Variants in C1orf21 observed in about 807,000 individuals in gnomAD.
C1orf21 encodes the protein uncharacterized protein C1orf21.
In C1orf21, 3 loss-of-function variants were observed where a neutral mutation model predicts 18.7. The ratio of observed to expected loss-of-function variants is 0.16; its 90% CI spans 0.07 to 0.42. The LOEUF is 0.42. Among genes scored for constraint, C1orf21 ranks in the 10% least tolerant of loss-of-function variants. The probability of loss-of-function intolerance (pLI) is 0.99; values close to 1 mark genes in which losing one functional copy is unlikely to be tolerated. For synonymous variants in C1orf21, 41 were observed against 46.4 expected (o/e 0.88, Z 0.47); for missense variants, 104 against 143.6 (o/e 0.72, Z 1.41).
chr1:184,574,146 C>T (rs1160231264), intron 3 of C1orf21, among the ~76,000 whole-genome samples: 1 of 151,982 alleles, frequency 6.6e-6, no homozygotes, highest in Non-Finnish European at 1.5e-5. Flanking sequence ...TGGAGATTGC[C>T]GTGAGCTGAG....
chr1:184,512,463 T>G (rs1658164259), intron 3 of C1orf21, among the ~76,000 whole-genome samples: 2 of 152,194 alleles, frequency 1.3e-5, no homozygotes, highest in Non-Finnish European at 2.9e-5. Flanking sequence ...CGTGCTGGTT[T>G]TCTGAGGCTG....
intron 3 of C1orf21, among the ~76,000 whole-genome samples, chr1:184,525,399 C>G (rs1431518264): frequency 6.6e-6 from 1 of 151,832 alleles, no homozygotes; most frequent in Admixed American, 6.6e-5. Flanking sequence ...CTTTGGTGAC[C>G]TCTTTCCTTT....
intron 1 of C1orf21, 29 bp from the exon 2 acceptor site, chr1:184,477,357 C>T: frequency 1.6e-6 from 1 of 613,164 alleles, no homozygotes; most frequent in Non-Finnish European, 2.9e-6. Context: ...AGTCACTGCC[C>T]ATTCTAATCT....
chr1:184,516,024 G>T (rs1658220221), intron 3 of C1orf21, among the ~76,000 whole-genome samples: 1 of 152,126 alleles, frequency 6.6e-6, no homozygotes, highest in South Asian at 2.1e-4. Flanking sequence ...TGATGGCCAG[G>T]CTGGTCTTGA....
intron 3 of C1orf21, among the ~76,000 whole-genome samples, chr1:184,559,818 A>G (rs1341465211): frequency 1.3e-5 from 2 of 152,020 alleles, no homozygotes; most frequent in African/African-American, 2.4e-5. Flanking sequence ...AGGCTTCACC[A>G]TGTTGCCCAG....
In C1orf21 at chr1:184,415,599, A is replaced by G. The variant is rs1571347520; in HGVS notation, c.-125+28231A>G. 3.3e-5 allele frequency among the ~76,000 whole-genome samples: 5 copies of G among 152,296 alleles called. No homozygotes were observed. The South Asian group carries it at 1.0e-3, about 32-fold the overall frequency. On this transcript the variant is annotated intron_variant, in intron 1 of 5. Transcript: ENST00000235307. Reference sequence around the variant, plus strand: ...TTAAATCAATTTAGTAGATTTTGAAAAGCATTAAAAAAATGAAACAGAAGA... The same window carrying G: ...TTAAATCAATTTAGTAGATTTTGAAGAGCATTAAAAAAATGAAACAGAAGA...
intron 1 of C1orf21, among the ~76,000 whole-genome samples, chr1:184,415,473 T>G (rs140399242): frequency 6.6e-6 from 1 of 152,294 alleles, no homozygotes; most frequent in East Asian, 1.9e-4. Flanking sequence ...TTATTTTGCG[T>G]GTTCTGTTCT....
chr1:184,395,242 C>T (rs533606776), intron 1 of C1orf21, among the ~76,000 whole-genome samples: 144 of 152,142 alleles, frequency 9.5e-4, no homozygotes, highest in African/African-American at 3.0e-3. Flanking sequence ...GCCCACTGGG[C>T]CTTAAAAGTA....
intron 1 of C1orf21, among the ~76,000 whole-genome samples, chr1:184,439,778 C>T (rs958301798): frequency 2.0e-5 from 3 of 152,080 alleles, no homozygotes; most frequent in African/African-American, 7.2e-5. Context: ...CAGGGAGACT[C>T]AATCTCTATT....
At chr1:184,437,222 C>G (rs988851697) in intron 1 of C1orf21, among the ~76,000 whole-genome samples, 3 of 152,108 alleles carry the variant, frequency 2.0e-5, no homozygotes, top group Admixed American at 6.5e-5. Context: ...AACAACTGTT[C>G]ATTTCTGGAA....
intron 5 of C1orf21, among the ~76,000 whole-genome samples, chr1:184,605,341 C>T (rs1237189556): frequency 6.6e-6 from 1 of 152,212 alleles, no homozygotes; most frequent in Non-Finnish European, 1.5e-5. Flanking sequence ...TCACTTTAGA[C>T]TGACAGCTCC....
chr1:184,607,704 T>C (rs768816533), intron 5 of C1orf21, among the ~76,000 whole-genome samples: 2 of 148,156 alleles, frequency 1.3e-5, no homozygotes, highest in South Asian at 2.2e-4. Flanking sequence ...TGTATATATA[T>C]ACACATATAT....
At chr1:184,502,343 G>A (rs528814265) in intron 2 of C1orf21, among the ~76,000 whole-genome samples, 19 of 152,260 alleles carry the variant, frequency 1.2e-4, no homozygotes, top group African/African-American at 4.3e-4. Context: ...CCATTCATGA[G>A]GGTGGAGCCC....
intron 1 of C1orf21, among the ~76,000 whole-genome samples, chr1:184,439,028 C>T (rs967078965): frequency 1.4e-4 from 21 of 152,008 alleles, no homozygotes; most frequent in South Asian, 6.2e-4. Flanking sequence ...CTGGCCAACG[C>T]GGTGAAAACC....
intron 2 of C1orf21, among the ~76,000 whole-genome samples, chr1:184,495,105 T>C (rs1350550544): frequency 6.6e-6 from 1 of 152,232 alleles, no homozygotes; most frequent in East Asian, 1.9e-4. Flanking sequence ...CATGGCTTGC[T>C]TGTTCATTTT....
chr1:184,566,273 T>C (rs969843492), intron 3 of C1orf21, among the ~76,000 whole-genome samples: 1 of 152,176 alleles, frequency 6.6e-6, no homozygotes, highest in Non-Finnish European at 1.5e-5. Flanking sequence ...GAAATGACTC[T>C]TTCCCCGCCA....
intron 1 of C1orf21, among the ~76,000 whole-genome samples, chr1:184,432,098 G>A (rs1656774519): frequency 6.6e-6 from 1 of 152,214 alleles, no homozygotes; most frequent in Non-Finnish European, 1.5e-5. Flanking sequence ...TTCAACTATT[G>A]TGGAAGACAG....
chr1:184,483,897 T>C (rs1557983829), intron 2 of C1orf21, among the ~76,000 whole-genome samples: 1 of 132,538 alleles, frequency 7.5e-6, no homozygotes, highest in East Asian at 2.3e-4. Context: ...TTTGCTGCCT[T>C]TGTGTGTGTG....
intron 3 of C1orf21, among the ~76,000 whole-genome samples, chr1:184,519,229 G>A (rs1658271745): frequency 6.6e-6 from 1 of 152,130 alleles, no homozygotes; most frequent in Non-Finnish European, 1.5e-5. Context: ...TAGATGCAGG[G>A]TGCTATCTAA....
Sources: gnomAD v4.1 joint callset for allele counts (sites outside exome capture counted in the v4.1 genomes callset) on GRCh38, gnomAD v4.1.1 for gene constraint, MANE v1.5 for transcripts, NCBI Gene and HGNC (gene_info 2026-07-23, HGNC 2026-07-21) for gene names.